The following CEP44 variants were observed in gnomAD, a reference collection of about 807,000 sequenced individuals.
CEP44 encodes the protein centrosomal protein 44.
CEP44 carries 45 observed loss-of-function variants against 46.7 expected under a neutral mutation model. The ratio of observed to expected loss-of-function variants is 0.96; its 90% CI spans 0.76 to 1.24. The LOEUF (loss-of-function observed/expected upper bound fraction) is 1.24, where lower values mean the gene tolerates loss of function less well. CEP44 is among the 50% of genes most tolerant of loss of function. The pLI is 0.00. For missense variants in CEP44, 475 were observed against 459.7 expected, an observed-to-expected ratio of 1.03 and a Z score of -0.30; for synonymous variants, 142 against 146.0, an observed-to-expected ratio of 0.97 and a Z score of 0.20.
In CEP44 at chr4:174,318,815, T is replaced by A; in HGVS notation, c.*1432T>A. 1.4e-6 allele frequency: 1 copy of A among 719,156 alleles called. No homozygotes were observed. The highest frequency in any genetic ancestry group is 1.7e-6 in the Non-Finnish European group (1 of 588,234). 44.5% of individuals were successfully genotyped at this position (719,156 alleles called of 1,614,324 possible). ...ATTTTTAGAATTCCTTTGTTTTTTTTTTTTTTCTTTTTGAAACAGGGTCTC... is the reference window on the plus strand; with the variant it reads ...ATTTTTAGAATTCCTTTGTTTTTTTATTTTTTCTTTTTGAAACAGGGTCTC... On this transcript the variant is annotated 3_prime_UTR_variant, in exon 12 of 12. Coordinates refer to ENST00000503780, the MANE Select transcript of CEP44 (RefSeq NM_001040157.3).
In CEP44 at chr4:174,290,257, TTGAGA is replaced by T. The variant is rs1434823121; in HGVS notation, c.-148+6316_-148+6320del. ...TACTGTGTTTTTATTATTGTTTGTC[TTGAGA>T]TATTTTATAATTTCTGTTTTGATTT... On this transcript the variant is annotated intron_variant, in intron 1 of 11. Transcript: ENST00000503780. The surrounding 1 kb of genome is among the most constrained non-coding windows in gnomAD (Gnocchi z 4.3). Among the ~76,000 whole-genome samples, 5 of 152,224 alleles carry T rather than the reference TTGAGA, an allele frequency of 3.3e-5. No homozygotes were observed. The highest frequency in any genetic ancestry group is 1.2e-4 in the African/African-American group (5 of 41,560).
At position 174,301,704 on chromosome 4, in the gene CEP44, A is replaced by G. The variant is rs1245258597; in HGVS notation, c.90-335A>G. Among the ~76,000 whole-genome samples, 1 of 152,188 alleles carries G rather than the reference A, an allele frequency of 6.6e-6. No individual in the cohort carries two copies. Among genetic ancestry groups the G allele is most frequent in the African/African-American group, 2.4e-5 (1 of 41,458 alleles). The stretch of plus-strand genomic sequence containing the variant: ...TTGCAAAACCATAAAGTGTACTTCA[A>G]TTTTGTAAGATGGTACATTGCTTTT... On this transcript the variant is annotated intron_variant, in intron 3 of 11. Transcript: ENST00000503780. The surrounding 1 kb of genome is among the most constrained non-coding windows in gnomAD (Gnocchi z 4.3).
chr4:174,314,832 A>G lies in CEP44; in HGVS notation c.962-1334A>G, dbSNP rs1741475600. On this transcript the variant is annotated intron_variant, in intron 9 of 11. Coordinates refer to ENST00000503780, the MANE Select transcript of CEP44 (RefSeq NM_001040157.3). This position sits in a 1 kb window ranked among gnomAD's most constrained non-coding sequence, Gnocchi z 4.1. ...GTAGTCTTCAGAATTACACCCTGTA[A>G]TCTTGACCTCCAGGCTTAGCTAATT... 6.6e-6 allele frequency among the ~76,000 whole-genome samples: 1 copy of G among 152,202 alleles called. No individual in the cohort carries two copies. The highest frequency in any genetic ancestry group is 1.5e-5 in the Non-Finnish European group (1 of 68,028).
chr4:174,327,782 C>G (rs1045097070), intron 8 of CEP44, among the ~76,000 whole-genome samples: 10 of 151,892 alleles, frequency 6.6e-5, no homozygotes, highest in African/African-American at 2.4e-4. Flanking sequence ...TTGTTTCACA[C>G]CATTCACAAT....
chr4:174,310,024 C>G lies in CEP44; in HGVS notation c.853C>G (p.Leu285Val), dbSNP rs144338962. 1.3e-3 allele frequency: 2,060 copies of G among 1,611,964 alleles called. 1 individual carries two copies. Among genetic ancestry groups the G allele is most frequent in the Non-Finnish European group, 1.6e-3 (1,899 of 1,178,844 alleles). The part of the protein sequence containing the change: ...TWTNLLSRVT[L>V]LETEMLLSKK... ...GACTAATCTTCTTAGTCGTGTCACT[C>G]TTCTTGAAACAGAAATGCTTTTGTC... Residue 285 changes from leucine (L) to valine (V), a missense_variant, in exon 8 of 12, where the codon CTT becomes GTT. By Grantham distance (32) the Leu-to-Val change is conservative. Transcript: ENST00000503780. The surrounding 1 kb of genome is among the most constrained non-coding windows in gnomAD (Gnocchi z 4.2).
intron 10 of CEP44, 102 bp from the exon 11 acceptor site, chr4:174,316,428 C>A: frequency 7.4e-7 from 1 of 1,353,976 alleles, no homozygotes; most frequent in Non-Finnish European, 1.0e-6. Context: ...GTAAACAGTA[C>A]TTAATGCAAT....
In CEP44 at chr4:174,310,288, A is replaced by T. The variant is rs1740933019; in HGVS notation, c.885+232A>T. On this transcript the variant is annotated intron_variant, in intron 8 of 11. Transcript: ENST00000503780. The surrounding 1 kb of genome is among the most constrained non-coding windows in gnomAD (Gnocchi z 4.2). ...AAACTTGTCAGTTGAGCTTTTACAG[A>T]TGTTAATAATGCTTGAAGAATTTAA... Among the ~76,000 whole-genome samples, 1 of 152,014 alleles carries T rather than the reference A, an allele frequency of 6.6e-6. No individual in the cohort carries two copies. Among genetic ancestry groups the T allele is most frequent in the Admixed American group, 6.6e-5 (1 of 15,248 alleles).
chr4:174,330,824 A>T (rs1273121326), intron 8 of CEP44, among the ~76,000 whole-genome samples: 1 of 135,754 alleles, frequency 7.4e-6, no homozygotes, highest in Admixed American at 7.5e-5. Context: ...ATAATCTAAT[A>T]GTCAGGGGTT....
In CEP44 at chr4:174,310,911, T is replaced by A. The variant is rs1741008548; in HGVS notation, c.961+53T>A. 2 of 803,708 alleles carry A rather than the reference T, an allele frequency of 2.5e-6. No individual in the cohort carries two copies. Among genetic ancestry groups the A allele is most frequent in the Non-Finnish European group, 4.1e-6 (2 of 483,932 alleles). 49.8% of individuals were successfully genotyped at this position (803,708 alleles called of 1,614,324 possible). A position where few individuals can be genotyped will look rare whatever the true frequency, so the allele number is the denominator to read the frequency against. On this transcript the variant is annotated intron_variant, in intron 9 of 11. Transcript: ENST00000503780. This position sits in a 1 kb window ranked among gnomAD's most constrained non-coding sequence, Gnocchi z 4.2. ...GTATGATGAGTTTTCAGAAAAATGATTGTTATAGTAATTTTAATATTCTTA... is the reference window on the plus strand; with the variant it reads ...GTATGATGAGTTTTCAGAAAAATGAATGTTATAGTAATTTTAATATTCTTA...
At position 174,309,593 on chromosome 4, in the gene CEP44, C is replaced by T. The variant is rs1740837257; in HGVS notation, c.679-257C>T. 2.6e-5 allele frequency among the ~76,000 whole-genome samples: 4 copies of T among 151,530 alleles called. No homozygotes were observed. Among genetic ancestry groups the T allele is most frequent in the Admixed American group, 2.6e-4 (4 of 15,164 alleles). ...ATTAAGAGAATCATGCAAATTAACT[C>T]ATTATCAGAAGAATCATATGAAATA... On this transcript the variant is annotated intron_variant, in intron 7 of 11. Coordinates refer to ENST00000503780, the MANE Select transcript of CEP44 (RefSeq NM_001040157.3). The surrounding 1 kb of genome is among the most constrained non-coding windows in gnomAD (Gnocchi z 5.3).
At position 174,331,147 on chromosome 4, in the gene CEP44, C is replaced by T. The variant is rs192578935; in HGVS notation, c.1087-335C>T. Reference sequence around the variant, plus strand: ...GGAGTATTTTCATTTTTAATTAGTACGTAAATTAGATCTCATAATTATGTT... The same window carrying T: ...GGAGTATTTTCATTTTTAATTAGTATGTAAATTAGATCTCATAATTATGTT... On this transcript the variant is annotated intron_variant, in intron 8 of 8. Coordinates refer to the CEP44 transcript ENST00000426172. This position sits in a 1 kb window ranked among gnomAD's most constrained non-coding sequence, Gnocchi z 4.5. Among the ~76,000 whole-genome samples the T allele has an allele frequency of 6.8e-4, 102 of 150,976 alleles. 1 individual carries two copies. The highest frequency in any genetic ancestry group is 1.6e-3 in the Admixed American group (24 of 15,126).
At chr4:174,306,687 G>A (rs1391340360) in intron 6 of CEP44, among the ~76,000 whole-genome samples, 2 of 151,860 alleles carry the variant, frequency 1.3e-5, no homozygotes, top group Non-Finnish European at 2.9e-5. Flanking sequence ...TTGCAAAATT[G>A]CTGTATGTTT....
chr4:174,286,886 T>C lies in CEP44; in HGVS notation c.-148+2943T>C, dbSNP rs901839853. Among the ~76,000 whole-genome samples, 1 of 152,208 alleles carries C rather than the reference T, an allele frequency of 6.6e-6. No homozygotes were observed. The highest frequency in any genetic ancestry group is 2.4e-5 in the African/African-American group (1 of 41,456). On this transcript the variant is annotated intron_variant, in intron 1 of 11. Transcript: ENST00000503780. This position sits in a 1 kb window ranked among gnomAD's most constrained non-coding sequence, Gnocchi z 5.2. ...TCATATTCCTGTTTCATAGGCCCCA[T>C]GTATGTCAGCTTTTAGTAGGTATCA... is the stretch of plus-strand genomic sequence containing the variant.
chr4:174,301,020 T>A lies in CEP44; in HGVS notation c.90-1019T>A, dbSNP rs1173868271. Among the ~76,000 whole-genome samples, 2 of 152,094 alleles carry A rather than the reference T, an allele frequency of 1.3e-5. No homozygotes were observed. The highest frequency in any genetic ancestry group is 3.8e-4 in the East Asian group (2 of 5,198). The stretch of plus-strand genomic sequence containing the variant: ...AAGGTTGCCAGAGGAGTTTTCTGAT[T>A]GGGTGAAATATTACAGTATTTCAAA... On this transcript the variant is annotated intron_variant, in intron 3 of 11. Transcript: ENST00000503780. The surrounding 1 kb of genome is among the most constrained non-coding windows in gnomAD (Gnocchi z 4.3).
chr4:174,300,948 G>A (rs1457517239), intron 3 of CEP44, among the ~76,000 whole-genome samples: 3 of 151,900 alleles, frequency 2.0e-5, no homozygotes, highest in Admixed American at 6.6e-5. Context: ...CTGTTCAAAG[G>A]TATTTTTTTT....
In CEP44 at chr4:174,315,197, C is replaced by T. The variant is rs556621463; in HGVS notation, c.962-969C>T. ...TTGTCTGTGTAGGCTTACAATAAAG[C>T]TCTCTTTATGTGAACCAATTTAAAT... On this transcript the variant is annotated intron_variant, in intron 9 of 11. Transcript: ENST00000503780. 7.3e-5 allele frequency among the ~76,000 whole-genome samples: 11 copies of T among 151,098 alleles called. 1 individual carries two copies. The South Asian group carries it at 2.3e-3, about 32-fold the overall frequency.
downstream of CEP44, among the ~76,000 whole-genome samples, chr4:174,321,558 G>A (rs945818521): frequency 1.3e-5 from 2 of 152,034 alleles, no homozygotes; most frequent in Admixed American, 1.3e-4. Flanking sequence ...TGAAATATCT[G>A]TGTTTATGTT....
chr4:174,285,046 C>T (rs1437755232), intron 1 of CEP44, among the ~76,000 whole-genome samples: 1 of 152,128 alleles, frequency 6.6e-6, no homozygotes, highest in South Asian at 2.1e-4. Context: ...TTTTCACAAC[C>T]TCTCCCACAA....
At chr4:174,307,095 A>C (rs1740497282) in intron 6 of CEP44, among the ~76,000 whole-genome samples, 2 of 152,330 alleles carry the variant, frequency 1.3e-5, no homozygotes, top group South Asian at 4.1e-4. Flanking sequence ...CAGTCTTCAG[A>C]GAACTAAAGA....
Sources: gnomAD v4.1 joint callset for allele counts (sites outside exome capture counted in the v4.1 genomes callset) on GRCh38, gnomAD v4.1.1 for gene constraint, Gnocchi (gnomAD v3.1) non-coding constraint, MANE v1.5 for transcripts, NCBI Gene and HGNC (gene_info 2026-07-23, HGNC 2026-07-21) for gene names.